Variants in SPHKAP observed in about 807,000 individuals in gnomAD.
SPHKAP encodes SPHK1 interactor, AKAP domain containing.
Under a neutral mutation model 137.5 loss-of-function variants are expected in SPHKAP, and 67 were observed. The ratio of observed to expected loss-of-function variants is 0.49; its 90% CI spans 0.40 to 0.60. The LOEUF (loss-of-function observed/expected upper bound fraction) is 0.60, where lower values mean the gene tolerates loss of function less well. SPHKAP is among the 20% of genes least tolerant of loss of function. The probability of loss-of-function intolerance (pLI) is 0.00; values close to 1 mark genes in which losing one functional copy is unlikely to be tolerated. For missense variants in SPHKAP, 2,097 were observed against 2,069.3 expected (o/e 1.01, Z -0.26); for synonymous variants, 813 against 785.3 (o/e 1.04, Z -0.59).
rs1698299577 is a variant in SPHKAP, at chr2:228,105,117, C to T, written c.246+3715G>A. Among the ~76,000 whole-genome samples the T allele has an allele frequency of 3.9e-5, 6 of 152,074 alleles. No individual in the cohort carries two copies. The South Asian group carries it at 1.2e-3, about 32-fold the overall frequency. On this transcript the variant is annotated intron_variant, in intron 3 of 11. Transcript: ENST00000392056. ...CTGAGTAGCTGGGACTACAGACATG[C>T]ACCACTATGCCCAGCTAAGTTTTAA...
chr2:228,035,130 C>T (rs1433820162), intron 3 of SPHKAP, among the ~76,000 whole-genome samples: 1 of 146,882 alleles, frequency 6.8e-6, no homozygotes, highest in East Asian at 2.0e-4. Context: ...ATCTAGAAAA[C>T]CCCATTGTCT....
chr2:227,993,485 G>A, intron 9 of SPHKAP, 49 bp downstream of exon 9: 3 of 1,493,564 alleles, frequency 2.0e-6, no homozygotes, highest in Non-Finnish European at 1.8e-6. Flanking sequence ...ATTGCCAGAT[G>A]GAATTGGAGT....
intron 7 of SPHKAP, among the ~76,000 whole-genome samples, chr2:228,001,202 CCTTTTGAT>C (rs1693843722): frequency 1.4e-5 from 2 of 146,810 alleles, no homozygotes; most frequent in Non-Finnish European, 3.0e-5. Context: ...TCTCTTCAGG[CCTTTTGAT>C]CATTTTTCTT....
chr2:228,017,250 T>C lies in SPHKAP; in HGVS notation c.3604A>G (p.Ile1202Val), dbSNP rs765555224. 19 of 1,613,984 alleles carry C rather than the reference T, an allele frequency of 1.2e-5. No homozygotes were observed. Among genetic ancestry groups the C allele is most frequent in the Non-Finnish European group, 1.6e-5 (19 of 1,180,040 alleles). The change falls in exon 7 of 12, where the codon ATC (isoleucine) becomes GTC (valine). Residue 1202 changes from isoleucine (I) to valine (V), a missense_variant. Coordinates refer to ENST00000392056, the MANE Select transcript of SPHKAP (RefSeq NM_001142644.2). Reference sequence around the variant, plus strand: ...GCACTTTCTCTGCTGTCTCTTTCGATGTCCCTCAGCATGTACCTGTAGAAC... The same window carrying C: ...GCACTTTCTCTGCTGTCTCTTTCGACGTCCCTCAGCATGTACCTGTAGAAC... The part of the protein sequence containing the change: ...EEFYRYMLRD[I>V]ERDSRESASS...
In SPHKAP at chr2:228,016,711, C is replaced by G. The variant is rs751398719; in HGVS notation, c.4143G>C (p.Gln1381His). Residue 1381 changes from glutamine to histidine, a missense_variant, in exon 7 of 12, where the codon CAG becomes CAC. By Grantham distance (24) the Gln-to-His change is conservative. Transcript: ENST00000392056. ...PRKDSVTECK[Q>H]PPVSSLSKTA... ...TTTTGCTCAAAGATGACACTGGGGG[C>G]TGTTTACATTCGGTAACAGAGTCTT... 6 of 1,613,996 alleles carry G rather than the reference C, an allele frequency of 3.7e-6. No individual in the cohort carries two copies. Among genetic ancestry groups the G allele is most frequent in the Non-Finnish European group, 5.1e-6 (6 of 1,180,024 alleles).
At chr2:228,138,771 T>G (rs915373417) in intron 1 of SPHKAP, among the ~76,000 whole-genome samples, 74 of 152,328 alleles carry the variant, frequency 4.9e-4, no homozygotes, top group African/African-American at 1.8e-3. Context: ...CCCAGCATTT[T>G]ATTTTCCCAA....
chr2:227,991,753 T>C (rs1230723676), intron 9 of SPHKAP: 1 of 817,590 alleles, frequency 1.2e-6, no homozygotes, highest in Non-Finnish European at 1.5e-6. Flanking sequence ...TCACAATTTT[T>C]TTTCTATACT....
chr2:228,132,792 GTT>G (rs970124185), intron 1 of SPHKAP, among the ~76,000 whole-genome samples: 1 of 147,708 alleles, frequency 6.8e-6, no homozygotes, highest in Non-Finnish European at 1.5e-5. Flanking sequence ...GAGATTAGGA[GTT>G]TGAGACCAGC....
intron 3 of SPHKAP, among the ~76,000 whole-genome samples, chr2:228,068,374 AC>A (rs368603610): frequency 1.3e-5 from 2 of 152,212 alleles, no homozygotes; most frequent in South Asian, 2.1e-4. Context: ...GAAAAAAAAA[AC>A]AACACCTTAA....
chr2:228,146,132 A>G (rs1163421786), intron 1 of SPHKAP, among the ~76,000 whole-genome samples: 1 of 152,004 alleles, frequency 6.6e-6, no homozygotes, highest in Non-Finnish European at 1.5e-5. Context: ...GTTCACAGCA[A>G]ATTTAACAGG....
intron 1 of SPHKAP, among the ~76,000 whole-genome samples, chr2:228,162,405 A>C (rs1051968909): frequency 1.3e-5 from 2 of 152,224 alleles, no homozygotes; most frequent in African/African-American, 4.8e-5. Flanking sequence ...AACTGGCCAA[A>C]TCAAGTGGAT....
chr2:228,165,179 G>T (rs1700388194), intron 1 of SPHKAP, among the ~76,000 whole-genome samples: 1 of 151,222 alleles, frequency 6.6e-6, no homozygotes, highest in African/African-American at 2.4e-5. Context: ...CCATCTCACA[G>T]GCATTTGGAA....
At position 227,993,621 on chromosome 2, in the gene SPHKAP, C is replaced by T; in HGVS notation, c.4635-1G>A. The T allele has an allele frequency of 1.3e-6, 2 of 1,586,004 alleles. No individual in the cohort carries two copies. Among genetic ancestry groups the T allele is most frequent in the Non-Finnish European group, 1.7e-6 (2 of 1,165,102 alleles). On this transcript the variant is annotated splice_acceptor_variant, in intron 8 of 11. Coordinates refer to ENST00000392056, the MANE Select transcript of SPHKAP (RefSeq NM_001142644.2). LOFTEE classifies it high-confidence loss of function. ...GCTAGTGGCACTACTGTTGCCATTG[C>T]TGACAAAGCAAAAGTTTACATATTA... is the stretch of plus-strand genomic sequence containing the variant.
chr2:228,014,801 C>T (rs1212227664), intron 7 of SPHKAP, among the ~76,000 whole-genome samples: 1 of 152,138 alleles, frequency 6.6e-6, no homozygotes, highest in Admixed American at 6.6e-5. Context: ...TTGTTGGCTG[C>T]CACTCTTGGT....
At chr2:228,010,224 TA>T (rs1213109803) in intron 7 of SPHKAP, among the ~76,000 whole-genome samples, 4 of 152,058 alleles carry the variant, frequency 2.6e-5, no homozygotes, top group Non-Finnish European at 5.9e-5. Flanking sequence ...TTCTGACCAT[TA>T]AAAAAATTAT....
chr2:228,115,864 T>A (rs1559181688), intron 2 of SPHKAP, among the ~76,000 whole-genome samples: 1 of 152,130 alleles, frequency 6.6e-6, no homozygotes, highest in Non-Finnish European at 1.5e-5. Context: ...GAATCCCCAA[T>A]GTGTTAGCAT....
chr2:228,073,035 G>A (rs1380907206), intron 3 of SPHKAP, among the ~76,000 whole-genome samples: 1 of 152,204 alleles, frequency 6.6e-6, no homozygotes, highest in African/African-American at 2.4e-5. Flanking sequence ...TAAATTTTAG[G>A]TTAATTTGTT....
At chr2:228,138,411 T>G (rs935512271) in intron 1 of SPHKAP, among the ~76,000 whole-genome samples, 1 of 152,242 alleles carries the variant, frequency 6.6e-6, no homozygotes. Context: ...GTACAAAATT[T>G]TTCATTTACT....
At chr2:228,025,623 C>T in intron 4 of SPHKAP, 95 bp from the exon 5 acceptor site, 5 of 1,442,018 alleles carry the variant, frequency 3.5e-6, no homozygotes, top group Non-Finnish European at 3.8e-6. Flanking sequence ...CTCATAACTG[C>T]TCATACATAT....
Sources: allele counts gnomAD v4.1 joint callset (sites outside exome capture counted in the v4.1 genomes callset), GRCh38; gene constraint gnomAD v4.1.1; transcripts MANE v1.5; gene names NCBI Gene and HGNC (gene_info 2026-07-23, HGNC 2026-07-21).